CDKL3: variants seen among roughly 807,000 people sequenced by gnomAD.
The protein encoded by CDKL3 is cyclin dependent kinase like 3.
A neutral mutation model predicts 69.3 loss-of-function variants in CDKL3; 65 were observed. The ratio of observed to expected loss-of-function variants is 0.94; its 90% confidence interval spans 0.77 to 1.15. The LOEUF (loss-of-function observed/expected upper bound fraction) is 1.15. Ranked by LOEUF, CDKL3 falls within the 50% of genes most tolerant of loss-of-function variation. The probability of loss-of-function intolerance (pLI) is 0.00; values close to 1 mark genes in which losing one functional copy is unlikely to be tolerated. For missense variants in CDKL3, 652 were observed against 689.2 expected, an observed-to-expected ratio of 0.95 and a Z score of 0.61; for synonymous variants, 202 against 221.6, an observed-to-expected ratio of 0.91 and a Z score of 0.79.
Position 134,308,596 on chromosome 5 carries a change from A to G in CDKL3, c.1013T>C (p.Leu338Pro). 1 of 1,596,150 alleles carries G rather than the reference A, an allele frequency of 6.3e-7. No individual in the cohort carries two copies. Among genetic ancestry groups the G allele is most frequent in the Non-Finnish European group, 8.5e-7 (1 of 1,175,392 alleles). ...ERKTVYTNTL[L>P]SSSVLGKEIE... is the part of the protein sequence containing the mutation. ...TACCTTTCCCAAAACTGAACTACTT[A>G]GCAGTGTATTGGTATAAACTGTTTT... Residue 338 changes from leucine (L) to proline (P), a missense_variant, in exon 8 of 13, where the codon CTA becomes CCA. By Grantham distance (98) the Leu-to-Pro change is moderately conservative. Transcript: ENST00000265334.
intron 6 of CDKL3, among the ~76,000 whole-genome samples, chr5:134,313,406 C>T (rs2149460816): frequency 6.6e-6 from 1 of 152,238 alleles, no homozygotes. Context: ...ATGCTTACTA[C>T]ATACCAGACA....
At chr5:134,318,765 A>G (rs1173363357) in intron 6 of CDKL3, among the ~76,000 whole-genome samples, 1 of 152,048 alleles carries the variant, frequency 6.6e-6, no homozygotes, top group African/African-American at 2.4e-5. Context: ...GATTACACAC[A>G]TAAGCCACCC....
upstream of CDKL3, chr5:134,371,444 A>C: frequency 7.8e-5 from 70 of 898,690 alleles, no homozygotes; most frequent in Middle Eastern, 3.5e-4. Flanking sequence ...CGGCGGAGGG[A>C]GACGTCATTG....
At chr5:134,350,475 T>C (rs1221903486) in intron 3 of CDKL3, 48 bp from the exon 4 acceptor site, 1 of 1,271,862 alleles carries the variant, frequency 7.9e-7, no homozygotes, top group Non-Finnish European at 1.1e-6. Context: ...GATTTCATTA[T>C]CCAGAATCTC....
Position 134,350,432 on chromosome 5 carries a change from A to G in CDKL3, c.361-5T>C. On this transcript the variant is annotated splice_region_variant and splice_polypyrimidine_tract_variant and intron_variant, in intron 3 of 12. Coordinates refer to ENST00000265334, the MANE Select transcript of CDKL3 (RefSeq NM_001113575.2). ...TTTTATATCTCGATGAATGATCTAA[A>G]AAACAAACAGAATACAAAATACATT... The G allele has an allele frequency of 6.6e-7, 1 of 1,513,534 alleles. No individual in the cohort carries two copies. Among genetic ancestry groups the G allele is most frequent in the Non-Finnish European group, 9.0e-7 (1 of 1,114,484 alleles). The allele number at this position is 1,513,534 out of a possible 1,614,324, so 93.8% of individuals were successfully genotyped here.
chr5:134,346,506 T>C (rs1358419155), intron 4 of CDKL3, among the ~76,000 whole-genome samples: 5 of 152,166 alleles, frequency 3.3e-5, no homozygotes, highest in Non-Finnish European at 7.4e-5. Flanking sequence ...TTACCTTTTT[T>C]TGTTTTTGAG....
chr5:134,284,541 T>C (rs370229322), downstream of CDKL3, among the ~76,000 whole-genome samples: 100 of 151,900 alleles, frequency 6.6e-4, no homozygotes, highest in African/African-American at 2.3e-3. Context: ...GGAAAGAGGG[T>C]TCAAGAGCAG....
chr5:134,355,256 A>C (rs1274754677), intron 3 of CDKL3, among the ~76,000 whole-genome samples: 8 of 149,572 alleles, frequency 5.3e-5, no homozygotes, highest in Non-Finnish European at 8.9e-5. Context: ...AAAAAAAAAA[A>C]CAGATATAGT....
intron 8 of CDKL3, among the ~76,000 whole-genome samples, chr5:134,292,574 TAGAA>T (rs1418382381): frequency 6.6e-6 from 1 of 151,380 alleles, no homozygotes; most frequent in Non-Finnish European, 1.5e-5. Flanking sequence ...CCAAAATAAA[TAGAA>T]AGAAGAAATA....
intron 6 of CDKL3, among the ~76,000 whole-genome samples, chr5:134,315,185 T>G (rs370310879): frequency 6.6e-6 from 1 of 152,058 alleles, no homozygotes; most frequent in Admixed American, 6.6e-5. Flanking sequence ...AAATGTAGCA[T>G]TCCAAATCAT....
intron 4 of CDKL3, among the ~76,000 whole-genome samples, chr5:134,345,005 C>T (rs533562057): frequency 1.2e-4 from 18 of 152,172 alleles, no homozygotes; most frequent in Middle Eastern, 3.4e-3. Context: ...GCGGATGTTG[C>T]AGTGAGCCGA....
Position 134,302,693 on chromosome 5 carries a change from G to T in CDKL3, c.1622-6C>A. ...CAGCATTTTTATCTGTTTAACTTTT[G>T]CAAAAATATACAAAACAATGAAAAT... On this transcript the variant is annotated splice_region_variant and splice_polypyrimidine_tract_variant and intron_variant, in intron 11 of 12. Transcript: ENST00000265334. 6.8e-7 allele frequency: 1 copy of T among 1,471,002 alleles called. No individual in the cohort carries two copies. The highest frequency in any genetic ancestry group is 9.3e-7 in the Non-Finnish European group (1 of 1,075,620). 91.1% of individuals were successfully genotyped at this position (1,471,002 alleles called of 1,614,324 possible). A position where few individuals can be genotyped will look rare whatever the true frequency, so the allele number is the denominator to read the frequency against.
chr5:134,291,012 G>A (rs921092365), intron 8 of CDKL3, among the ~76,000 whole-genome samples: 16 of 152,040 alleles, frequency 1.1e-4, no homozygotes, highest in African/African-American at 1.2e-4. Context: ...GTCAAATCCT[G>A]GAAATATTTT....
chr5:134,337,770 C>G (rs1204184883), intron 4 of CDKL3, among the ~76,000 whole-genome samples: 15 of 152,290 alleles, frequency 9.8e-5, no homozygotes, highest in African/African-American at 3.4e-4. Context: ...TCCACTCAAG[C>G]TTCATCATGA....
At chr5:134,302,504 T>C in intron 12 of CDKL3, 86 bp downstream of exon 12, 2 of 698,656 alleles carry the variant, frequency 2.9e-6, no homozygotes, top group Non-Finnish European at 4.8e-6. Context: ...TTATATAGCT[T>C]TCCAATAGTA....
intron 6 of CDKL3, among the ~76,000 whole-genome samples, chr5:134,317,198 C>T (rs911801151): frequency 7.2e-5 from 11 of 151,976 alleles, no homozygotes; most frequent in Admixed American, 1.3e-4. Flanking sequence ...TGCAGTGGTG[C>T]GATCTCAGCT....
At chr5:134,317,976 T>C (rs1461724405) in intron 6 of CDKL3, among the ~76,000 whole-genome samples, 1 of 151,998 alleles carries the variant, frequency 6.6e-6, no homozygotes, top group Non-Finnish European at 1.5e-5. Context: ...TCCCAGCACT[T>C]TGGGAGGCCA....
intron 8 of CDKL3, among the ~76,000 whole-genome samples, chr5:134,290,081 C>T (rs555544317): frequency 1.2e-4 from 18 of 152,148 alleles, no homozygotes; most frequent in East Asian, 9.7e-4. Context: ...CTTGGCCAGG[C>T]GCAGTGGCTC....
At position 134,311,057 on chromosome 5, in the gene CDKL3, GGTGTT is replaced by G. The variant is rs1769339190; in HGVS notation, c.881+1230_881+1234del. Among the ~76,000 whole-genome samples, 4 of 152,290 alleles carry G rather than the reference GGTGTT, an allele frequency of 2.6e-5. No individual in the cohort carries two copies. The South Asian group carries it at 8.3e-4, about 32-fold the overall frequency. On this transcript the variant is annotated intron_variant, in intron 7 of 12. Transcript: ENST00000265334. The stretch of plus-strand genomic sequence containing the variant: ...TTCTTTCAAAGCCCAAATAGAAAAT[GGTGTT>G]TTTTTAGAAATATGGCTGATTCATG...
Sources: gnomAD v4.1 joint callset for allele counts (sites outside exome capture counted in the v4.1 genomes callset) on GRCh38, gnomAD v4.1.1 for gene constraint, MANE v1.5 for transcripts, NCBI Gene and HGNC (gene_info 2026-07-23, HGNC 2026-07-21) for gene names.